PBLD: variants seen among roughly 807,000 people sequenced by gnomAD.
The protein encoded by PBLD is phenazine biosynthesis like protein domain containing.
Under a neutral mutation model 31.3 loss-of-function variants are expected in PBLD, and 26 were observed. That is an observed-to-expected ratio of 0.83 (90% CI 0.61 to 1.15). The LOEUF is 1.15. Among genes scored for constraint, PBLD ranks in the 50% most tolerant of loss-of-function variants. The pLI is 0.00. For synonymous variants in PBLD, 114 were observed against 129.0 expected (o/e 0.88, Z 0.79); for missense variants, 307 against 351.7 (o/e 0.87, Z 1.02).
Position 68,292,037 on chromosome 10 carries a change from G to T in PBLD, c.396C>A (p.Asp132Glu), listed in dbSNP as rs779183526. 6.5e-5 allele frequency: 104 copies of T among 1,590,856 alleles called. No homozygotes were observed. Among genetic ancestry groups the T allele is most frequent in the Middle Eastern group, 1.7e-4 (1 of 6,048 alleles). ...TTATCAAGTCCTCTACTTCATGGAAGTCCTAGATGGGGGGAAAAAAAACAA... is the reference window on the plus strand; with the variant it reads ...TTATCAAGTCCTCTACTTCATGGAATTCCTAGATGGGGGGAAAAAAAACAA... ...DLPLYPAHPQ[D>E]FHEVEDLIKT... Residue 132 changes from aspartate (D) to glutamate (E), a missense_variant and splice_region_variant, in exon 6 of 10, where the codon GAC becomes GAA. Physicochemically the swap from Asp to Glu is conservative, Grantham distance 45. Coordinates refer to ENST00000358769, the MANE Select transcript of PBLD (RefSeq NM_022129.4).
chr10:68,317,018 A>C (rs548993931), intron 1 of PBLD, among the ~76,000 whole-genome samples: 2 of 152,332 alleles, frequency 1.3e-5, no homozygotes, highest in South Asian at 2.1e-4. Context: ...ATCTCAAAAA[A>C]AAGAGAAAAC....
Position 68,305,457 on chromosome 10 carries a change from TA to T in PBLD, c.84+1303del, listed in dbSNP as rs548340193. Among the ~76,000 whole-genome samples, 354 of 150,628 alleles carry T rather than the reference TA, an allele frequency of 2.4e-3. 1 individual carries two copies. Among genetic ancestry groups the T allele is most frequent in the Non-Finnish European group, 4.1e-3 (275 of 67,594 alleles). On this transcript the variant is annotated intron_variant, in intron 2 of 9. Coordinates refer to ENST00000358769, the MANE Select transcript of PBLD (RefSeq NM_022129.4). ...CACACTGGAATCACTTGGGGAACTTTAAAAAAAACACTGCTGGCCGGGCGCG... is the reference window on the plus strand; with the variant it reads ...CACACTGGAATCACTTGGGGAACTTTAAAAAAACACTGCTGGCCGGGCGCG...
intron 1 of PBLD, among the ~76,000 whole-genome samples, chr10:68,319,827 T>C (rs1203242962): frequency 7.3e-6 from 1 of 136,392 alleles, no homozygotes; most frequent in Non-Finnish European, 1.5e-5. Context: ...TTTTTATTTA[T>C]TTATTTTTTT....
intron 1 of PBLD, chr10:68,332,063 C>G (rs1395749657): frequency 6.6e-6 from 1 of 152,656 alleles, no homozygotes; most frequent in Non-Finnish European, 1.5e-5. Context: ...CCCCCCAAGC[C>G]AGTAGCTGTG....
rs1020702679 is a variant in PBLD at position 68,332,886 on chromosome 10, C to T, written c.-162G>A. The T allele has an allele frequency of 6.6e-5, 10 of 152,258 alleles. No homozygotes were observed. Among genetic ancestry groups the T allele is most frequent in the South Asian group, 2.1e-4 (1 of 4,832 alleles). The allele number at this position is 152,258 out of a possible 1,614,324, so 9.4% of individuals were successfully genotyped here. ...AATGGCGACGAAGGTGCTCAACTCCCAAATCCAGGACAAAGGAGGCAGACG... is the reference window on the plus strand; with the variant it reads ...AATGGCGACGAAGGTGCTCAACTCCTAAATCCAGGACAAAGGAGGCAGACG... On this transcript the variant is annotated 5_prime_UTR_variant, in exon 1 of 10. Transcript: ENST00000358769.
chr10:68,320,424 C>T (rs1426282701), intron 1 of PBLD, among the ~76,000 whole-genome samples: 1 of 152,142 alleles, frequency 6.6e-6, no homozygotes, highest in African/African-American at 2.4e-5. Flanking sequence ...AACAACAATA[C>T]AGTGATCCCT....
intron 1 of PBLD, among the ~76,000 whole-genome samples, chr10:68,317,094 A>G (rs1176330130): frequency 2.0e-5 from 3 of 152,214 alleles, no homozygotes; most frequent in African/African-American, 7.2e-5. Context: ...CAATAAGATT[A>G]ACAGCTGGTT....
intron 2 of PBLD, among the ~76,000 whole-genome samples, chr10:68,303,401 G>T (rs61857264): frequency 1 from 151,880 of 151,880 alleles, 75,940 homozygotes; most frequent in Non-Finnish European, 1. Context: ...TTATTACATT[G>T]TTTTCAAATA....
At chr10:68,319,685 C>T (rs930490379) in intron 1 of PBLD, among the ~76,000 whole-genome samples, 7 of 151,954 alleles carry the variant, frequency 4.6e-5, no homozygotes, top group South Asian at 2.1e-4. Flanking sequence ...CACAACACTG[C>T]ACTCCGGCCA....
chr10:68,296,990 A>T lies in PBLD; in HGVS notation c.85-5T>A. 1.2e-6 allele frequency: 2 copies of T among 1,601,324 alleles called. No individual in the cohort carries two copies. The highest frequency in any genetic ancestry group is 1.7e-6 in the Non-Finnish European group (2 of 1,168,486). On this transcript the variant is annotated splice_region_variant and splice_polypyrimidine_tract_variant and intron_variant, in intron 2 of 9. Coordinates refer to ENST00000358769, the MANE Select transcript of PBLD (RefSeq NM_022129.4). ...ATGCATGTCTTCATCCAATTCCTTA[A>T]TTAGAAACAGACGATCATTGAGGTT...
intron 1 of PBLD, among the ~76,000 whole-genome samples, chr10:68,312,052 A>G (rs969186993): frequency 2.0e-5 from 3 of 152,258 alleles, no homozygotes; most frequent in African/African-American, 7.2e-5. Context: ...TCAAAGTATC[A>G]TAAGTCAGGG....
chr10:68,291,993 T>A lies in PBLD; in HGVS notation c.423+17A>T. 1 of 1,574,692 alleles carries A rather than the reference T, an allele frequency of 6.4e-7. No homozygotes were observed. Among genetic ancestry groups the A allele is most frequent in the Non-Finnish European group, 8.7e-7 (1 of 1,144,316 alleles). On this transcript the variant is annotated intron_variant, in intron 6 of 9. Transcript: ENST00000358769. The stretch of plus-strand genomic sequence containing the variant: ...AATAACAAATAACTAGGCTCAGGTT[T>A]GATTCTTTTTACCAACCTTTATCAA...
intron 1 of PBLD, among the ~76,000 whole-genome samples, chr10:68,329,603 C>T (rs879875935): frequency 6.9e-6 from 1 of 145,842 alleles, no homozygotes; most frequent in Non-Finnish European, 1.5e-5. Context: ...ATTAATACAG[C>T]AATTTTTTTT....
intron 1 of PBLD, among the ~76,000 whole-genome samples, chr10:68,308,894 G>T (rs2134484607): frequency 7.0e-6 from 1 of 143,810 alleles, no homozygotes; most frequent in African/African-American, 2.6e-5. Flanking sequence ...GTGTGTGTGT[G>T]TTGAGACCAT....
intron 8 of PBLD, chr10:68,287,976 G>A (rs959427990): frequency 2.6e-5 from 4 of 152,926 alleles, no homozygotes; most frequent in African/African-American, 9.6e-5. Context: ...AGAATCACTT[G>A]AACCTGGGAG....
In PBLD at chr10:68,285,332, T is replaced by TA. The variant is rs750861224; in HGVS notation, c.754+15dup. 6.9e-5 allele frequency: 112 copies of TA among 1,613,850 alleles called. No individual in the cohort carries two copies. The highest frequency in any genetic ancestry group is 4.5e-4 in the Admixed American group (27 of 59,982). ...ATTAGGCAAATAAAAAAGAAATTGG[T>TA]AAAGAGCTGTCCTACCATGCATTTC... On this transcript the variant is annotated intron_variant, in intron 9 of 9. Transcript: ENST00000358769.
At chr10:68,316,463 T>C (rs2044737170) in intron 1 of PBLD, among the ~76,000 whole-genome samples, 3 of 151,878 alleles carry the variant, frequency 2.0e-5, no homozygotes. Context: ...GAAAAAGGAA[T>C]GAAGAAAAAT....
At chr10:68,305,225 C>A (rs2044559449) in intron 2 of PBLD, among the ~76,000 whole-genome samples, 1 of 148,814 alleles carries the variant, frequency 6.7e-6, no homozygotes, top group African/African-American at 2.5e-5. Flanking sequence ...AAATAAAAAA[C>A]AACAACAACA....
chr10:68,296,471 C>G (rs1314080655), intron 3 of PBLD, 107 bp from the exon 4 acceptor site: 1 of 759,556 alleles, frequency 1.3e-6, no homozygotes, highest in Non-Finnish European at 2.2e-6. Context: ...GATGAGTAGC[C>G]AAAACATGTT....
Sources: allele counts gnomAD v4.1 joint callset (sites outside exome capture counted in the v4.1 genomes callset), GRCh38; gene constraint gnomAD v4.1.1; transcripts MANE v1.5; gene names NCBI Gene and HGNC (gene_info 2026-07-23, HGNC 2026-07-21).